Variants in NOL11 observed in about 807,000 individuals in gnomAD.
NOL11 encodes nucleolar protein 11.
NOL11 carries 42 observed loss-of-function variants against 93.0 expected under a neutral mutation model. The observed-to-expected ratio is 0.45, with a 90% CI of 0.35 to 0.58. NOL11 has a LOEUF of 0.58. Among genes scored for constraint, NOL11 ranks in the 20% least tolerant of loss-of-function variants. The pLI, the probability that NOL11 is intolerant of heterozygous loss-of-function variation, is 0.00. For missense variants in NOL11, 775 were observed against 841.8 expected, an observed-to-expected ratio of 0.92 and a Z score of 0.98; for synonymous variants, 296 against 293.7, an observed-to-expected ratio of 1.01 and a Z score of -0.08.
At chr17:67,728,544 C>T (rs1003170935) in intron 7 of NOL11, among the ~76,000 whole-genome samples, 3 of 152,148 alleles carry the variant, frequency 2.0e-5, no homozygotes, top group African/African-American at 7.2e-5. Flanking sequence ...CTCCCATCTT[C>T]CTCTCTTTCT....
intron 4 of NOL11, among the ~76,000 whole-genome samples, chr17:67,721,831 T>C (rs1464914010): frequency 6.6e-6 from 1 of 152,172 alleles, no homozygotes; most frequent in East Asian, 1.9e-4. Context: ...CTCCCATCCT[T>C]GTCCCCTGGC....
intron 7 of NOL11, among the ~76,000 whole-genome samples, chr17:67,727,733 A>C (rs1280036989): frequency 2.0e-5 from 3 of 151,932 alleles, no homozygotes; most frequent in Non-Finnish European, 2.9e-5. Context: ...GGAGGCTGAG[A>C]CAGGCAGATT....
At chr17:67,725,442 A>G (rs2055082878) in intron 6 of NOL11, among the ~76,000 whole-genome samples, 2 of 152,154 alleles carry the variant, frequency 1.3e-5, no homozygotes, top group South Asian at 2.1e-4. Flanking sequence ...TCCACCCTTC[A>G]TGGCTGCTTT....
chr17:67,740,123 T>C (rs990557420), intron 16 of NOL11, among the ~76,000 whole-genome samples: 2 of 151,430 alleles, frequency 1.3e-5, no homozygotes, highest in Admixed American at 6.6e-5. Flanking sequence ...TAATCCCAGA[T>C]ACATGGGAGG....
intron 16 of NOL11, among the ~76,000 whole-genome samples, chr17:67,742,390 T>C (rs2055264669): frequency 6.6e-6 from 1 of 152,218 alleles, no homozygotes; most frequent in Non-Finnish European, 1.5e-5. Context: ...GCATTTCCTG[T>C]CTTTTGGTTT....
chr17:67,740,304 G>A (rs1424767205), intron 16 of NOL11, among the ~76,000 whole-genome samples: 3 of 151,398 alleles, frequency 2.0e-5, no homozygotes, highest in Non-Finnish European at 4.4e-5. Context: ...TCCCATGGTA[G>A]TCCCTCTTTA....
rs2055199641 is a variant in NOL11, at chr17:67,736,086, C to T, written c.1054+63C>T. On this transcript the variant is annotated intron_variant, in intron 9 of 17. Transcript: ENST00000253247. ...CGTTTTATTAACTTGTAGTTTCGTA[C>T]AGATTCCCACAGCCTTCTATTTGTA... is the stretch of plus-strand genomic sequence containing the variant. 3.7e-6 allele frequency: 5 copies of T among 1,350,870 alleles called. No homozygotes were observed. The African/African-American group carries it at 4.5e-5, about 12-fold the overall frequency. 83.7% of individuals were successfully genotyped at this position (1,350,870 alleles called of 1,614,324 possible).
chr17:67,720,340 C>T (rs1208330419), intron 3 of NOL11: 1 of 148,632 alleles, frequency 6.7e-6, no homozygotes, highest in Non-Finnish European at 1.5e-5. Context: ...TCGCTCTTGT[C>T]CCCCAGGCTG....
At position 67,735,499 on chromosome 17, in the gene NOL11, T is replaced by C. The variant is rs550069120; in HGVS notation, c.931-401T>C. On this transcript the variant is annotated intron_variant, in intron 8 of 17. Transcript: ENST00000253247. ...GTTCCCTCAGGCTTTTTTTTCCACA[T>C]ACCTGTCTTATTTTTACAATCATAA... Among the ~76,000 whole-genome samples the C allele has an allele frequency of 1.8e-3, 277 of 152,100 alleles. 1 individual carries two copies. Among genetic ancestry groups the C allele is most frequent in the African/African-American group, 6.3e-3 (262 of 41,556 alleles).
At chr17:67,728,128 T>C (rs938474642) in intron 7 of NOL11, among the ~76,000 whole-genome samples, 9 of 151,902 alleles carry the variant, frequency 5.9e-5, no homozygotes, top group African/African-American at 1.9e-4. Context: ...GGTGTGGTGG[T>C]GGGCACCTGC....
At chr17:67,734,544 T>C (rs1339852294) in intron 8 of NOL11, 105 bp downstream of exon 8, 2 of 686,556 alleles carry the variant, frequency 2.9e-6, no homozygotes, top group African/African-American at 3.7e-5. Context: ...GGCTGGTCTT[T>C]TACTCTTGGG....
chr17:67,723,723 G>T (rs1192158601), intron 5 of NOL11, among the ~76,000 whole-genome samples: 2 of 150,554 alleles, frequency 1.3e-5, no homozygotes, highest in East Asian at 1.9e-4. Context: ...TTAAGGCTGG[G>T]TGTGGTGACC....
intron 7 of NOL11, among the ~76,000 whole-genome samples, chr17:67,733,155 G>A (rs1397803026): frequency 6.6e-6 from 1 of 151,798 alleles, no homozygotes; most frequent in Non-Finnish European, 1.5e-5. Flanking sequence ...CCTGAGGTCA[G>A]GAGTTCGAGA....
chr17:67,722,753 T>C lies in NOL11; in HGVS notation c.519+116T>C, dbSNP rs2043228068. On this transcript the variant is annotated intron_variant, in intron 5 of 17. Coordinates refer to ENST00000253247, the MANE Select transcript of NOL11 (RefSeq NM_015462.5). Reference sequence around the variant, plus strand: ...AGGCTTGAGAGCAGTGGTGCCACGATGGTTCACTGCAGCCTCAACCTCCTG... The same window carrying C: ...AGGCTTGAGAGCAGTGGTGCCACGACGGTTCACTGCAGCCTCAACCTCCTG... The C allele has an allele frequency of 4.4e-6, 6 of 1,351,326 alleles. No homozygotes were observed. The South Asian group carries it at 9.8e-5, about 22-fold the overall frequency. The allele number at this position is 1,351,326 out of a possible 1,614,324, so 83.7% of individuals were successfully genotyped here.
In NOL11 at chr17:67,737,807, T is replaced by C. The variant is rs760963479; in HGVS notation, c.1404-40T>C. On this transcript the variant is annotated intron_variant, in intron 12 of 17. Transcript: ENST00000253247. ...TATAAATGTTCTGCAGTTGAGAATT[T>C]TCTTAATATGTAATAGTGATTCAGA... 3.8e-6 allele frequency: 6 copies of C among 1,589,398 alleles called. No individual in the cohort carries two copies. In the African/African-American group the frequency reaches 8.2e-5, roughly 22 times the overall value.
At chr17:67,721,667 A>T in intron 4 of NOL11, 141 bp downstream of exon 4, 1 of 686,294 alleles carries the variant, frequency 1.5e-6, no homozygotes, top group Non-Finnish European at 2.4e-6. Context: ...GACTAAAACA[A>T]CATCCTAAAA....
At chr17:67,723,370 ATTTTTTTTTTTTTTTTTTTT>A (rs568396700) in intron 5 of NOL11, among the ~76,000 whole-genome samples, 4 of 60,704 alleles carry the variant, frequency 6.6e-5, no homozygotes, top group South Asian at 8.3e-4. Context: ...AAGATCTCTA[ATTTTTTTTTTTTTTTTTTTT>A]TTTTTTTTTT....
At chr17:67,737,374 C>T (rs1206105011) in intron 11 of NOL11, 134 bp from the exon 12 acceptor site, 1 of 762,778 alleles carries the variant, frequency 1.3e-6, no homozygotes, top group East Asian at 2.6e-5. Context: ...TTTAACTTTG[C>T]AGTGTCAGCT....
chr17:67,717,981 T>C lies in NOL11; in HGVS notation c.34T>C (p.Ser12Pro), dbSNP rs780093176. The stretch of plus-strand genomic sequence containing the variant: ...GCTGGAGGAAGAATTCACGTTGTCT[T>C]CGGTAGTCCTGAGCGCCGGGCCTGA... ...AALEEEFTLS[S>P]VVLSAGPEGL... Residue 12 changes from serine (S) to proline (P), a missense_variant, in exon 1 of 18, where the codon TCG becomes CCG. This residue lies in a region of NOL11 where 359 missense variants were observed against 316.5 expected (regional missense o/e 1.13). Coordinates refer to ENST00000253247, the MANE Select transcript of NOL11 (RefSeq NM_015462.5). The C allele has an allele frequency of 1.2e-6, 2 of 1,614,248 alleles. No individual in the cohort carries two copies. The highest frequency in any genetic ancestry group is 1.7e-6 in the Non-Finnish European group (2 of 1,180,046).
Sources: gnomAD v4.1 joint callset for allele counts (sites outside exome capture counted in the v4.1 genomes callset) on GRCh38, gnomAD v4.1.1 for gene constraint, gnomAD v4.1.1 regional missense constraint, MANE v1.5 for transcripts, NCBI Gene and HGNC (gene_info 2026-07-23, HGNC 2026-07-21) for gene names.